THRB: variants seen among roughly 807,000 people sequenced by gnomAD.
THRB encodes the protein nuclear receptor subfamily 1 group A member 2.
In THRB, 12 loss-of-function variants were observed where a neutral mutation model predicts 47.8. The ratio of observed to expected loss-of-function variants is 0.25; its 90% CI spans 0.16 to 0.41. The LOEUF (loss-of-function observed/expected upper bound fraction) is 0.41. THRB is among the 10% of genes least tolerant of loss of function. The pLI is 1.00. For missense variants in THRB, 348 were observed against 589.2 expected (o/e 0.59, Z 4.24); for synonymous variants, 218 against 212.2 (o/e 1.03, Z -0.24).
chr3:24,123,866 T>G (rs1389738233), intron 10 of THRB, among the ~76,000 whole-genome samples: 1 of 152,152 alleles, frequency 6.6e-6, no homozygotes, highest in African/African-American at 2.4e-5. Flanking sequence ...TCCCAAGTCC[T>G]GTGCAGACTA....
At chr3:24,448,675 A>C (rs934424723) in intron 1 of THRB, among the ~76,000 whole-genome samples, 3 of 152,242 alleles carry the variant, frequency 2.0e-5, no homozygotes, top group African/African-American at 4.8e-5. Flanking sequence ...AAAACATATA[A>C]AAATATAAAA....
intron 1 of THRB, among the ~76,000 whole-genome samples, chr3:24,437,429 A>G (rs1036501306): frequency 3.9e-5 from 6 of 152,120 alleles, no homozygotes; most frequent in African/African-American, 1.2e-4. Context: ...GTACAAAAAT[A>G]CAGTTAGATG....
chr3:24,300,042 A>C (rs1369587750), intron 2 of THRB, among the ~76,000 whole-genome samples: 1 of 151,978 alleles, frequency 6.6e-6, no homozygotes. Context: ...TTACATCTCT[A>C]GATCTGTCCA....
At chr3:24,165,464 C>A in intron 5 of THRB, 1 of 637,286 alleles carries the variant, frequency 1.6e-6, no homozygotes, top group Middle Eastern at 3.3e-4. Flanking sequence ...AGCATACATA[C>A]ATACACATGA....
chr3:24,284,414 T>G (rs1262431298), intron 3 of THRB, among the ~76,000 whole-genome samples: 4 of 150,606 alleles, frequency 2.7e-5, no homozygotes, highest in Non-Finnish European at 5.9e-5. Context: ...TCCTTACACC[T>G]TATACAAAAA....
intron 8 of THRB, among the ~76,000 whole-genome samples, chr3:24,137,494 A>C (rs1032511153): frequency 6.6e-6 from 1 of 152,220 alleles, no homozygotes; most frequent in Non-Finnish European, 1.5e-5. Context: ...TTTGAGAAGC[A>C]ATGTGTGGAC....
chr3:24,233,258 G>A (rs529535734), intron 3 of THRB, among the ~76,000 whole-genome samples: 1 of 152,216 alleles, frequency 6.6e-6, no homozygotes, highest in African/African-American at 2.4e-5. Context: ...AAGGCCTTGG[G>A]TTCCATGCCA....
intron 1 of THRB, among the ~76,000 whole-genome samples, chr3:24,421,878 C>T (rs1053630816): frequency 3.9e-5 from 6 of 151,922 alleles, no homozygotes; most frequent in Non-Finnish European, 7.4e-5. Context: ...CTGCAGATTA[C>T]GTTATCATCT....
At chr3:24,431,360 A>G (rs1195785963) in intron 1 of THRB, among the ~76,000 whole-genome samples, 1 of 152,140 alleles carries the variant, frequency 6.6e-6, no homozygotes, top group African/African-American at 2.4e-5. Context: ...ATTTAACCAA[A>G]AAAAGGAAGC....
At chr3:24,316,133 G>C (rs756339488) in intron 2 of THRB, among the ~76,000 whole-genome samples, 4 of 152,036 alleles carry the variant, frequency 2.6e-5, no homozygotes, top group Non-Finnish European at 5.9e-5. Context: ...GCATGCCAAG[G>C]CAATGCCCCC....
chr3:24,256,115 G>A (rs1198005503), intron 3 of THRB, among the ~76,000 whole-genome samples: 5 of 152,178 alleles, frequency 3.3e-5, no homozygotes, highest in Admixed American at 1.3e-4. Context: ...GAGGTACAAA[G>A]AAATCCCAGA....
At chr3:24,386,713 GT>G (rs1382620450) in intron 1 of THRB, among the ~76,000 whole-genome samples, 1 of 152,064 alleles carries the variant, frequency 6.6e-6, no homozygotes, top group African/African-American at 2.4e-5. Context: ...GTATAATTTT[GT>G]GATAAGACAC....
chr3:24,363,496 G>T (rs1162717962), intron 1 of THRB, among the ~76,000 whole-genome samples: 4 of 152,102 alleles, frequency 2.6e-5, no homozygotes, highest in Non-Finnish European at 5.9e-5. Context: ...CTTTCAGTGG[G>T]TCAAAGTGCT....
chr3:24,399,673 A>C (rs2067247918), intron 1 of THRB, among the ~76,000 whole-genome samples: 1 of 152,106 alleles, frequency 6.6e-6, no homozygotes, highest in East Asian at 1.9e-4. Context: ...ACATATTTAC[A>C]GACTCTTCTG....
intron 3 of THRB, among the ~76,000 whole-genome samples, chr3:24,265,168 G>C (rs991468604): frequency 6.6e-6 from 1 of 152,074 alleles, no homozygotes; most frequent in Non-Finnish European, 1.5e-5. Context: ...TGGTCTACTT[G>C]GGGGACAGAA....
At chr3:24,482,363 G>T (rs1696570425) in intron 1 of THRB, among the ~76,000 whole-genome samples, 1 of 152,176 alleles carries the variant, frequency 6.6e-6, no homozygotes, top group Non-Finnish European at 1.5e-5. Flanking sequence ...AGTGATTGAA[G>T]TTCAAAGAGA....
intron 3 of THRB, among the ~76,000 whole-genome samples, chr3:24,279,579 T>A (rs75845938): frequency 7.0e-6 from 1 of 143,192 alleles, no homozygotes; most frequent in African/African-American, 2.5e-5. Context: ...TTTTTTTTAG[T>A]AGAGACGGGG....
Position 24,212,013 on chromosome 3 carries a change from C to T in THRB, c.22+16925G>A, listed in dbSNP as rs142873546. ...GCACGGTGGTTCACGCCTGTAATCC[C>T]AGCACTTTGGGAGGCTGAGGCAGGC... is the stretch of plus-strand genomic sequence containing the variant. On this transcript the variant is annotated intron_variant, in intron 4 of 10. Transcript: ENST00000646209. Among the ~76,000 whole-genome samples, 243 of 152,280 alleles carry T rather than the reference C, an allele frequency of 1.6e-3. 4 individuals carry two copies. In the East Asian group the frequency reaches 0.042, roughly 26 times the overall value.
rs1372038515 is a variant in THRB at position 24,227,091 on chromosome 3, T to C, written c.22+1847A>G. 2.0e-5 allele frequency among the ~76,000 whole-genome samples: 3 copies of C among 151,694 alleles called. No individual in the cohort carries two copies. In the East Asian group the frequency reaches 5.8e-4, roughly 29 times the overall value. ...TACTTTTACACCATGTTTTGCCATT[T>C]CATATGTCTTGGGGTATGTTCTTTG... On this transcript the variant is annotated intron_variant, in intron 4 of 10. Transcript: ENST00000646209.
Sources: allele counts gnomAD v4.1 joint callset (sites outside exome capture counted in the v4.1 genomes callset), GRCh38; gene constraint gnomAD v4.1.1; transcripts MANE v1.5; gene names NCBI Gene and HGNC (gene_info 2026-07-23, HGNC 2026-07-21).